GIPC1: variants seen among roughly 807,000 people sequenced by gnomAD.
GIPC1 encodes GIPC PDZ domain containing family member 1, also known as PDZ domain-containing protein GIPC1.
In GIPC1, 15 loss-of-function variants were observed where a neutral mutation model predicts 28.5. That is an observed-to-expected ratio of 0.53 (90% confidence interval 0.35 to 0.81). The LOEUF is 0.81. Ranked by LOEUF, GIPC1 falls within the 30% of genes least tolerant of loss-of-function variation. The pLI, the probability that GIPC1 is intolerant of heterozygous loss-of-function variation, is 0.01. For synonymous variants in GIPC1, 224 were observed against 206.1 expected (o/e 1.09, Z -0.74); for missense variants, 439 against 481.9 (o/e 0.91, Z 0.83).
intron 1 of GIPC1, among the ~76,000 whole-genome samples, chr19:14,493,436 G>C (rs771423201): frequency 2.0e-5 from 3 of 151,542 alleles, no homozygotes; most frequent in Non-Finnish European, 2.9e-5. Flanking sequence ...CCAGCCTAAA[G>C]ACCTTGGCCT....
chr19:14,481,639 T>TGA (rs1284320668), intron 4 of GIPC1: 1 of 144,046 alleles, frequency 6.9e-6, no homozygotes, highest in Non-Finnish European at 1.5e-5. Flanking sequence ...GAAAATGGTT[T>TGA]GAACCCAGGA....
chr19:14,481,232 G>A lies in GIPC1; in HGVS notation c.289-454C>T, dbSNP rs191626786. On this transcript the variant is annotated intron_variant, in intron 4 of 8. Coordinates refer to ENST00000393033, the MANE Select transcript of GIPC1 (RefSeq NM_005716.4). ...AGTGATCCTCCTGTCTCAGTCTCCC[G>A]AGTAGCTGGGACCACAGACACGTGC... Among the ~76,000 whole-genome samples the A allele has an allele frequency of 2.5e-3, 375 of 152,124 alleles. 2 individuals carry two copies. The highest frequency in any genetic ancestry group is 7.6e-3 in the African/African-American group (314 of 41,506).
At position 14,482,802 on chromosome 19, in the gene GIPC1, C is replaced by T. The variant is rs755126341; in HGVS notation, c.175G>A (p.Val59Met). 1.5e-5 allele frequency: 24 copies of T among 1,599,252 alleles called. No homozygotes were observed. Among genetic ancestry groups the T allele is most frequent in the South Asian group, 5.6e-5 (5 of 89,758 alleles). ...PPPPALRPRL[V>M]FHTQLAHGSP... ...CCATGGGCCAGCTGGGTGTGGAACA[C>T]GAGGCGGGGCCGCAGGGCTGGGGGA... is the stretch of plus-strand genomic sequence containing the variant. Residue 59 changes from valine (V) to methionine (M), a missense_variant, in exon 4 of 9, where the codon GTG (valine) becomes ATG (methionine). Transcript: ENST00000393033.
In GIPC1 at chr19:14,482,674, C is replaced by CT; in HGVS notation, c.288+14dup. 6.2e-7 allele frequency: 1 copy of CT among 1,609,904 alleles called. No individual in the cohort carries two copies. Among genetic ancestry groups the CT allele is most frequent in the South Asian group, 1.1e-5 (1 of 90,780 alleles). ...CACCATCAGGGACCCTGGTGCCCGG[C>CT]TCCCCAGTGGATACCTCGGCAGTTG... On this transcript the variant is annotated intron_variant, in intron 4 of 8. Transcript: ENST00000393033.
At chr19:14,485,354 T>C (rs909214813) in intron 3 of GIPC1, among the ~76,000 whole-genome samples, 38 of 150,868 alleles carry the variant, frequency 2.5e-4, no homozygotes, top group African/African-American at 9.3e-4. Context: ...GACTATTTTT[T>C]TTTTAAATTT....
chr19:14,489,330 C>T (rs1050235429), intron 3 of GIPC1: 17 of 773,574 alleles, frequency 2.2e-5, no homozygotes, highest in South Asian at 1.1e-4. Context: ...ACCGCGGTAG[C>T]GTGAGGGAAG....
chr19:14,490,974 CAAAAAAAAAAA>C (rs111731833), intron 3 of GIPC1, among the ~76,000 whole-genome samples: 1 of 113,070 alleles, frequency 8.8e-6, no homozygotes, highest in Non-Finnish European at 1.7e-5. Context: ...GACTCCATCT[CAAAAAAAAAAA>C]AAAAGAAAGA....
chr19:14,493,173 G>A (rs2146495738), intron 1 of GIPC1, among the ~76,000 whole-genome samples: 1 of 152,290 alleles, frequency 6.6e-6, no homozygotes, highest in East Asian at 1.9e-4. Flanking sequence ...TGGTACAGAT[G>A]GCTCAGGCCC....
intron 4 of GIPC1, chr19:14,481,887 C>G (rs1159537626): frequency 6.6e-6 from 1 of 152,286 alleles, no homozygotes; most frequent in Non-Finnish European, 1.5e-5. Flanking sequence ...CCTCCTTGAC[C>G]CCCTCCCATC....
rs893342230 is a variant in GIPC1, at chr19:14,496,083, G to A, written c.-221C>T. 7 of 235,008 alleles carry A rather than the reference G, an allele frequency of 3.0e-5. No individual in the cohort carries two copies. The highest frequency in any genetic ancestry group is 1.7e-4 in the South Asian group (2 of 11,944). 14.6% of individuals were successfully genotyped at this position (235,008 alleles called of 1,614,324 possible). On this transcript the variant is annotated 5_prime_UTR_variant, in exon 1 of 9. Coordinates refer to ENST00000393033, the MANE Select transcript of GIPC1 (RefSeq NM_005716.4). ...CGCCGCCGCCGCCGCCGCTGCCTCC[G>A]CCTCCCCGTGCGCACCCGGCTCGGC...
rs779275731 is a variant in GIPC1 at position 14,480,268 on chromosome 19, C to A, written c.655+37G>T. ...GCACCACCGCCTGCGCCCATGCGAG[C>A]AGCGCCACTGGGGAGGTCCAGGGGG... On this transcript the variant is annotated intron_variant, in intron 6 of 8. Transcript: ENST00000393033. The A allele has an allele frequency of 1.9e-6, 3 of 1,573,470 alleles. No homozygotes were observed. In the East Asian group the frequency reaches 6.7e-5, roughly 35 times the overall value.
chr19:14,480,877 G>A, intron 4 of GIPC1, 99 bp from the exon 5 acceptor site: 4 of 856,466 alleles, frequency 4.7e-6, no homozygotes, highest in Non-Finnish European at 7.4e-6. Context: ...GGACTAGGGG[G>A]ATTCCATCCC....
Position 14,478,870 on chromosome 19 carries a change from C to T in GIPC1, c.769-105G>A. ...ACTTTACATATATTCGTATTTAGAC[C>T]TCAGGACAACCCTGAGAAGGTGGTA... On this transcript the variant is annotated intron_variant, in intron 7 of 8. Transcript: ENST00000393033. This position sits in a 1 kb window ranked among gnomAD's most constrained non-coding sequence, Gnocchi z 5.2. The T allele has an allele frequency of 1.2e-6, 1 of 867,288 alleles. No homozygotes were observed. The allele number at this position is 867,288 out of a possible 1,614,324, so 53.7% of individuals were successfully genotyped here.
At position 14,480,651 on chromosome 19, in the gene GIPC1, G is replaced by A; in HGVS notation, c.416C>T (p.Ser139Leu). The part of the protein sequence containing the change: ...GQRKEVEVFK[S>L]EDALGLTITD... ...GATGGTGAGCCCGAGTGCATCCTCC[G>A]ACTTGAACACCTCCACCTCCTTGCG... is the stretch of plus-strand genomic sequence containing the variant. Residue 139 changes from serine to leucine, a missense_variant, in exon 5 of 9, where the codon TCG (serine) becomes TTG (leucine). By Grantham distance (145) the Ser-to-Leu change is moderately radical. Coordinates refer to ENST00000393033, the MANE Select transcript of GIPC1 (RefSeq NM_005716.4). The A allele has an allele frequency of 4.3e-6, 7 of 1,614,186 alleles. No homozygotes were observed. Among genetic ancestry groups the A allele is most frequent in the East Asian group, 2.2e-5 (1 of 44,874 alleles).
intron 3 of GIPC1, among the ~76,000 whole-genome samples, chr19:14,489,079 C>T (rs2071907680): frequency 6.6e-6 from 1 of 152,028 alleles, no homozygotes; most frequent in Admixed American, 6.6e-5. Context: ...GTGTTCACAG[C>T]CATGCCCAGC....
intron 3 of GIPC1, chr19:14,489,558 T>C (rs1401694888): frequency 1.0e-6 from 1 of 970,022 alleles, no homozygotes; most frequent in Non-Finnish European, 1.7e-6. Flanking sequence ...AGAAAAATAT[T>C]GGAATGGTGG....
At chr19:14,479,371 G>C (rs769293700) in intron 7 of GIPC1, 41 bp downstream of exon 7, 5 of 818,210 alleles carry the variant, frequency 6.1e-6, no homozygotes, top group Non-Finnish European at 8.9e-6. Context: ...AAAAAAGAAA[G>C]GGAAGGGATG....
At chr19:14,487,143 C>T (rs749317695) in intron 3 of GIPC1, among the ~76,000 whole-genome samples, 8 of 151,908 alleles carry the variant, frequency 5.3e-5, no homozygotes, top group Non-Finnish European at 8.8e-5. Flanking sequence ...GACTGAAATT[C>T]GGTCTGTGCA....
chr19:14,489,281 T>C, intron 3 of GIPC1: 1 of 701,908 alleles, frequency 1.4e-6, no homozygotes, highest in Non-Finnish European at 2.6e-6. Flanking sequence ...ATCGATTGGC[T>C]AACGAGGTCG....
Sources: gnomAD v4.1 joint callset for allele counts (sites outside exome capture counted in the v4.1 genomes callset) on GRCh38, gnomAD v4.1.1 for gene constraint, Gnocchi (gnomAD v3.1) non-coding constraint, MANE v1.5 for transcripts, NCBI Gene and HGNC (gene_info 2026-07-23, HGNC 2026-07-21) for gene names.